BNC2: variants seen among roughly 807,000 people sequenced by gnomAD.
The protein encoded by BNC2 is zinc finger protein basonuclin-2.
A neutral mutation model predicts 76.3 loss-of-function variants in BNC2; 20 were observed. The observed-to-expected ratio is 0.26, with a 90% CI of 0.18 to 0.38. BNC2 has a LOEUF of 0.38. Ranked by LOEUF, BNC2 falls within the 10% of genes least tolerant of loss-of-function variation. The probability of loss-of-function intolerance (pLI) is 1.00; values close to 1 mark genes in which losing one functional copy is unlikely to be tolerated. For synonymous variants in BNC2, 582 were observed against 514.8 expected (o/e 1.13, Z -1.77); for missense variants, 1,382 against 1,399.8 (o/e 0.99, Z 0.20).
At chr9:16,869,468 C>G (rs1298946333) in intron 1 of BNC2, among the ~76,000 whole-genome samples, 1 of 152,150 alleles carries the variant, frequency 6.6e-6, no homozygotes, top group African/African-American at 2.4e-5. Flanking sequence ...ATCTCCTACA[C>G]TCCAGTTGTG....
intron 3 of BNC2, among the ~76,000 whole-genome samples, chr9:16,694,626 T>A (rs1043979957): frequency 2.3e-4 from 35 of 152,162 alleles, no homozygotes; most frequent in African/African-American, 4.8e-5. Context: ...TAATGTAGCA[T>A]GTCGAAGATC....
chr9:16,455,767 G>C (rs560608110), intron 5 of BNC2, among the ~76,000 whole-genome samples: 1 of 149,552 alleles, frequency 6.7e-6, no homozygotes, highest in East Asian at 2.0e-4. Flanking sequence ...ACTCCAGCCT[G>C]GGAGACAAGA....
chr9:16,737,467 ATC>A (rs1373177205), intron 2 of BNC2, among the ~76,000 whole-genome samples: 2 of 148,310 alleles, frequency 1.3e-5, no homozygotes, highest in African/African-American at 2.5e-5. Context: ...AGCCAGAATG[ATC>A]TCGATTTCCT....
In BNC2 at chr9:16,418,873, G is replaced by GCA. The variant is rs3223265; in HGVS notation, c.*114_*115dup. Reference sequence around the variant, plus strand: ...ATGTAGCCACAGAGCATACATAAATGCACACACACACACACACACACACAC... The same window carrying GCA: ...ATGTAGCCACAGAGCATACATAAATGCACACACACACACACACACACACACAC... On this transcript the variant is annotated 3_prime_UTR_variant, in exon 7 of 7. Transcript: ENST00000380672. 12,119 of 873,588 alleles carry GCA rather than the reference G, an allele frequency of 0.014. 36 individuals carry two copies. The highest frequency in any genetic ancestry group is 0.036 in the African/African-American group (2,007 of 56,262). 54.1% of individuals were successfully genotyped at this position (873,588 alleles called of 1,614,324 possible).
At chr9:16,634,594 C>T (rs560387903) in intron 3 of BNC2, among the ~76,000 whole-genome samples, 4 of 151,796 alleles carry the variant, frequency 2.6e-5, no homozygotes, top group Admixed American at 1.3e-4. Context: ...CTCTGCCTCC[C>T]GGATTCACAC....
chr9:16,837,498 C>T (rs1163183553), intron 1 of BNC2, among the ~76,000 whole-genome samples: 1 of 152,118 alleles, frequency 6.6e-6, no homozygotes, highest in African/African-American at 2.4e-5. Context: ...TGCGAGACTC[C>T]ATCCCGAAAA....
intron 1 of BNC2, among the ~76,000 whole-genome samples, chr9:16,778,113 C>T (rs150706666): frequency 6.6e-6 from 1 of 152,276 alleles, no homozygotes; most frequent in Non-Finnish European, 1.5e-5. Flanking sequence ...CCCCTTTTCT[C>T]TATTTTCTGC....
chr9:16,501,407 C>T (rs966136390), intron 5 of BNC2, among the ~76,000 whole-genome samples: 21 of 152,150 alleles, frequency 1.4e-4, no homozygotes, highest in African/African-American at 3.9e-4. Flanking sequence ...TTTTATATAA[C>T]CTTCTCAAAG....
At chr9:16,821,605 C>A (rs915909428) in intron 1 of BNC2, among the ~76,000 whole-genome samples, 18 of 152,252 alleles carry the variant, frequency 1.2e-4, no homozygotes, top group African/African-American at 4.3e-4. Flanking sequence ...TACAACATAT[C>A]AGGCTAAACT....
intron 1 of BNC2, among the ~76,000 whole-genome samples, chr9:16,860,676 A>T (rs1246474197): frequency 6.6e-6 from 1 of 152,092 alleles, no homozygotes; most frequent in Non-Finnish European, 1.5e-5. Context: ...CAGAAACATC[A>T]ACAACAACAA....
At chr9:16,433,657 C>G (rs1054732661) in intron 6 of BNC2, among the ~76,000 whole-genome samples, 1 of 152,160 alleles carries the variant, frequency 6.6e-6, no homozygotes, top group African/African-American at 2.4e-5. Context: ...AATATACAAG[C>G]GCTTGCGTTT....
chr9:16,717,605 T>G (rs756872197), intron 3 of BNC2, among the ~76,000 whole-genome samples: 23 of 152,192 alleles, frequency 1.5e-4, no homozygotes, highest in Non-Finnish European at 2.2e-4. Flanking sequence ...GACTCACAAT[T>G]CACAAATTTT....
At chr9:16,764,476 C>T (rs1825635201) in intron 1 of BNC2, among the ~76,000 whole-genome samples, 1 of 152,164 alleles carries the variant, frequency 6.6e-6, no homozygotes, top group African/African-American at 2.4e-5. Context: ...GACAAGAGAC[C>T]ATGAGTATAT....
intron 3 of BNC2, among the ~76,000 whole-genome samples, chr9:16,629,125 C>T (rs1821085895): frequency 6.6e-6 from 1 of 152,096 alleles, no homozygotes; most frequent in African/African-American, 2.4e-5. Context: ...ACAGAGAAGT[C>T]AAATGTAAGG....
intron 3 of BNC2, among the ~76,000 whole-genome samples, chr9:16,725,980 C>T (rs1469957060): frequency 4.8e-5 from 4 of 83,786 alleles, no homozygotes; most frequent in Non-Finnish European, 8.9e-5. Flanking sequence ...CCAATCTTCC[C>T]TTCTAACACA....
intron 1 of BNC2, among the ~76,000 whole-genome samples, chr9:16,762,441 A>G (rs1252992172): frequency 6.6e-6 from 1 of 152,198 alleles, no homozygotes; most frequent in African/African-American, 2.4e-5. Flanking sequence ...GTGGGAATGA[A>G]TCAAAGCCCA....
At chr9:16,750,665 G>C (rs1253261141) in intron 1 of BNC2, among the ~76,000 whole-genome samples, 1 of 152,208 alleles carries the variant, frequency 6.6e-6, no homozygotes, top group Non-Finnish European at 1.5e-5. Flanking sequence ...CAGTATCTCT[G>C]AATTAGACCG....
intron 1 of BNC2, among the ~76,000 whole-genome samples, chr9:16,834,701 G>C (rs571678342): frequency 6.6e-6 from 1 of 151,612 alleles, no homozygotes; most frequent in African/African-American, 2.4e-5. Context: ...CTACAAGTAA[G>C]TGATTTTTAG....
intron 3 of BNC2, among the ~76,000 whole-genome samples, chr9:16,630,402 A>G (rs1243029533): frequency 6.6e-6 from 1 of 152,224 alleles, no homozygotes; most frequent in African/African-American, 2.4e-5. Context: ...ATAACATGGA[A>G]AGATAGTTAC....
Sources: gnomAD v4.1 joint callset for allele counts (sites outside exome capture counted in the v4.1 genomes callset) on GRCh38, gnomAD v4.1.1 for gene constraint, MANE v1.5 for transcripts, NCBI Gene and HGNC (gene_info 2026-07-23, HGNC 2026-07-21) for gene names.